TLL1: variants seen among roughly 807,000 people sequenced by gnomAD.
The protein encoded by TLL1 is tolloid like 1.
TLL1 carries 49 observed loss-of-function variants against 128.2 expected under a neutral mutation model. The ratio of observed to expected loss-of-function variants is 0.38; its 90% CI spans 0.30 to 0.48. The LOEUF (loss-of-function observed/expected upper bound fraction) is 0.48, where lower values mean the gene tolerates loss of function less well. Ranked by LOEUF, TLL1 falls within the 20% of genes least tolerant of loss-of-function variation. The pLI is 0.96. For missense variants in TLL1, 1,123 were observed against 1,242.0 expected (o/e 0.90, Z 1.44); for synonymous variants, 454 against 418.8 (o/e 1.08, Z -1.03).
At chr4:166,019,482 G>C (rs887070161) in intron 8 of TLL1, among the ~76,000 whole-genome samples, 1 of 152,030 alleles carries the variant, frequency 6.6e-6, no homozygotes, top group Non-Finnish European at 1.5e-5. Flanking sequence ...AAATATATTT[G>C]GCTACTTTTA....
At chr4:165,880,497 C>T (rs375736332) in intron 1 of TLL1, among the ~76,000 whole-genome samples, 1 of 152,104 alleles carries the variant, frequency 6.6e-6, no homozygotes, top group East Asian at 1.9e-4. Context: ...AAGTTGAAAT[C>T]ATATATTAAA....
intron 1 of TLL1, among the ~76,000 whole-genome samples, chr4:165,938,848 T>C (rs1025330873): frequency 1.3e-5 from 2 of 151,936 alleles, no homozygotes; most frequent in African/African-American, 4.8e-5. Flanking sequence ...TAAACTACCC[T>C]TCTAATAAGT....
chr4:166,010,577 T>A (rs1737645577), intron 7 of TLL1, among the ~76,000 whole-genome samples: 1 of 150,594 alleles, frequency 6.6e-6, no homozygotes, highest in Non-Finnish European at 1.5e-5. Flanking sequence ...TATTGGAAAT[T>A]TTTTTTCCAT....
At chr4:165,946,491 C>A (rs376326134) in intron 1 of TLL1, among the ~76,000 whole-genome samples, 5 of 149,926 alleles carry the variant, frequency 3.3e-5, no homozygotes, top group African/African-American at 5.0e-5. Context: ...TGGCAGCATA[C>A]CCAGCTAATT....
chr4:165,949,662 C>G (rs932912070), intron 1 of TLL1, among the ~76,000 whole-genome samples: 3 of 151,990 alleles, frequency 2.0e-5, no homozygotes, highest in Admixed American at 2.0e-4. Flanking sequence ...CAGACGAGAA[C>G]AGAGAGAGTC....
At chr4:166,018,878 T>C (rs1272364506) in intron 8 of TLL1, among the ~76,000 whole-genome samples, 2 of 152,204 alleles carry the variant, frequency 1.3e-5, no homozygotes, top group African/African-American at 2.4e-5. Flanking sequence ...ACTTCAGCCA[T>C]ATTGGAAAGC....
intron 1 of TLL1, among the ~76,000 whole-genome samples, chr4:165,892,334 A>G (rs1247451883): frequency 6.6e-6 from 1 of 152,224 alleles, no homozygotes; most frequent in African/African-American, 2.4e-5. Context: ...CAGGGCCTCA[A>G]AGGAAATCTT....
At chr4:166,065,381 T>A (rs1320554428) in intron 15 of TLL1, among the ~76,000 whole-genome samples, 1 of 152,070 alleles carries the variant, frequency 6.6e-6, no homozygotes, top group South Asian at 2.1e-4. Flanking sequence ...TAAGCCGAAC[T>A]CCTTGTTGTT....
At chr4:165,956,861 G>C (rs1734825412) in intron 1 of TLL1, among the ~76,000 whole-genome samples, 1 of 152,004 alleles carries the variant, frequency 6.6e-6, no homozygotes, top group East Asian at 1.9e-4. Flanking sequence ...CGGTCCCTCT[G>C]TTTGGGGTCC....
chr4:166,039,797 T>G (rs953161224), intron 10 of TLL1, among the ~76,000 whole-genome samples: 17 of 152,194 alleles, frequency 1.1e-4, no homozygotes, highest in Non-Finnish European at 1.0e-4. Context: ...TTGTGGGTGT[T>G]CATGTTGTGT....
At position 165,873,997 on chromosome 4, in the gene TLL1, C is replaced by T. The variant is rs114412546; in HGVS notation, c.93C>T (p.Leu31=). 7.9e-5 allele frequency: 127 copies of T among 1,613,946 alleles called. No individual in the cohort carries two copies. The highest frequency in any genetic ancestry group is 9.5e-5 in the Non-Finnish European group (112 of 1,180,026). ...FYGELWVCAG[L]DYDYTFDGNE... is the part of the protein sequence containing the mutation. Reference sequence around the variant, plus strand: ...GGGAGCTATGGGTCTGCGCTGGCCTCGATTATGATTACACTTTTGATGGGA... The same window carrying T: ...GGGAGCTATGGGTCTGCGCTGGCCTTGATTATGATTACACTTTTGATGGGA... Residue 31 remains leucine (L), a synonymous_variant, in exon 1 of 21, where the codon CTC becomes CTT. Coordinates refer to ENST00000061240, the MANE Select transcript of TLL1 (RefSeq NM_012464.5).
intron 1 of TLL1, among the ~76,000 whole-genome samples, chr4:165,880,028 C>A (rs114217047): frequency 2.0e-5 from 3 of 152,150 alleles, no homozygotes; most frequent in Admixed American, 6.5e-5. Context: ...TGGTTTTTGT[C>A]TTTAATTATC....
intron 19 of TLL1, among the ~76,000 whole-genome samples, 200 bp downstream of exon 19, chr4:166,091,541 C>T (rs1339139694): frequency 1.3e-5 from 2 of 152,004 alleles, no homozygotes; most frequent in Non-Finnish European, 2.9e-5. Context: ...TTAGGAAAAC[C>T]CTAGTTTCTG....
intron 12 of TLL1, among the ~76,000 whole-genome samples, chr4:166,050,894 T>C (rs535572407): frequency 4.6e-5 from 7 of 152,258 alleles, no homozygotes; most frequent in Non-Finnish European, 7.3e-5. Context: ...AAATGTACTA[T>C]GAATCCCTTC....
chr4:165,968,350 A>G (rs1231121560), intron 1 of TLL1, among the ~76,000 whole-genome samples: 1 of 152,198 alleles, frequency 6.6e-6, no homozygotes, highest in Non-Finnish European at 1.5e-5. Flanking sequence ...TAGTAAACAA[A>G]CTGCTTGTTG....
intron 1 of TLL1, among the ~76,000 whole-genome samples, chr4:165,924,435 G>A (rs1056698140): frequency 2.0e-5 from 3 of 152,136 alleles, no homozygotes; most frequent in East Asian, 1.9e-4. Context: ...CACAACATTC[G>A]CTTAAGCCAA....
chr4:165,962,109 AAG>A, intron 1 of TLL1, among the ~76,000 whole-genome samples: 1 of 152,302 alleles, frequency 6.6e-6, no homozygotes, highest in South Asian at 2.1e-4. Context: ...TCTGAACAAA[AAG>A]AGAAACTGTC....
intron 1 of TLL1, among the ~76,000 whole-genome samples, chr4:165,949,847 A>C (rs1388118478): frequency 6.6e-6 from 1 of 152,158 alleles, no homozygotes; most frequent in Non-Finnish European, 1.5e-5. Flanking sequence ...GGGTGGGGAC[A>C]CAGCCAAATT....
At chr4:166,043,107 T>TTA (rs1560830818) in intron 11 of TLL1, among the ~76,000 whole-genome samples, 167 bp from the exon 12 acceptor site, 1 of 152,124 alleles carries the variant, frequency 6.6e-6, no homozygotes, top group African/African-American at 2.4e-5. Context: ...AGGTTTTTTT[T>TTA]ACCACATAAA....
Sources: allele counts gnomAD v4.1 joint callset (sites outside exome capture counted in the v4.1 genomes callset), GRCh38; gene constraint gnomAD v4.1.1; transcripts MANE v1.5; gene names NCBI Gene and HGNC (gene_info 2026-07-23, HGNC 2026-07-21).